The following ALG8 variants were observed in gnomAD, a reference collection of about 807,000 sequenced individuals.
ALG8 encodes the protein ALG8 alpha-1,3-glucosyltransferase.
A neutral mutation model predicts 70.2 loss-of-function variants in ALG8; 48 were observed. That is an observed-to-expected ratio of 0.68 (90% CI 0.54 to 0.87). ALG8 has a LOEUF of 0.87. Ranked by LOEUF, ALG8 falls within the 40% of genes least tolerant of loss-of-function variation. The pLI is 0.00. For missense variants in ALG8, 572 were observed against 608.7 expected, an observed-to-expected ratio of 0.94 and a Z score of 0.64; for synonymous variants, 234 against 229.0, an observed-to-expected ratio of 1.02 and a Z score of -0.20.
intron 9 of ALG8, among the ~76,000 whole-genome samples, chr11:78,108,004 G>A (rs1223366731): frequency 6.6e-6 from 1 of 151,992 alleles, no homozygotes; most frequent in African/African-American, 2.4e-5. Context: ...AAAAGGCCGG[G>A]TGTGGTGGCT....
intron 8 of ALG8, 35 bp downstream of exon 8, chr11:78,112,615 T>C (rs1330323257): frequency 6.2e-7 from 1 of 1,611,392 alleles, no homozygotes; most frequent in East Asian, 2.2e-5. Flanking sequence ...CCTTTCAATA[T>C]TCAGAGTCTG....
Position 78,114,278 on chromosome 11 carries a change from C to T in ALG8, c.661G>A (p.Ala221Thr). ...VYLLRSYCFT[A>T]NKPDGSIRWK... Reference sequence around the variant, plus strand: ...TACCAAAACTTGCCTGGTTTATTTGCAGTGAAACAGTAGGATCGCAGCAGA... The same window carrying T: ...TACCAAAACTTGCCTGGTTTATTTGTAGTGAAACAGTAGGATCGCAGCAGA... The change falls in exon 6 of 13, where the codon GCA becomes ACA. Residue 221 changes from alanine to threonine, a missense_variant. By Grantham distance (58) the Ala-to-Thr change is moderately conservative. Coordinates refer to ENST00000299626, the MANE Select transcript of ALG8 (RefSeq NM_024079.5). 1 of 1,614,046 alleles carries T rather than the reference C, an allele frequency of 6.2e-7. No individual in the cohort carries two copies. The highest frequency in any genetic ancestry group is 1.1e-5 in the South Asian group (1 of 91,078).
intron 8 of ALG8, among the ~76,000 whole-genome samples, chr11:78,109,817 G>C (rs925091495): frequency 6.6e-6 from 1 of 152,170 alleles, no homozygotes; most frequent in African/African-American, 2.4e-5. Flanking sequence ...CAGCTTATAG[G>C]AAACTTGCTG....
chr11:78,127,947 C>A (rs2136934328), intron 1 of ALG8, among the ~76,000 whole-genome samples: 1 of 152,284 alleles, frequency 6.6e-6, no homozygotes, highest in South Asian at 2.1e-4. Context: ...GGTGATCCAC[C>A]TGCCTCAGTC....
rs1861711805 is a variant in ALG8, at chr11:78,139,608, T to C, written c.-20A>G. 3 of 1,551,106 alleles carry C rather than the reference T, an allele frequency of 1.9e-6. No individual in the cohort carries two copies. The highest frequency in any genetic ancestry group is 2.7e-5 in the African/African-American group (2 of 73,216). On this transcript the variant is annotated 5_prime_UTR_variant, in exon 1 of 13. Coordinates refer to ENST00000299626, the MANE Select transcript of ALG8 (RefSeq NM_024079.5). ...CGCCATTGCTGCGGCACCGCACGCT[T>C]CCCACCAACTTGATCCACATCCGGG... is the stretch of plus-strand genomic sequence containing the variant.
At chr11:78,137,040 C>T (rs663322) in intron 1 of ALG8, among the ~76,000 whole-genome samples, 32,875 of 151,956 alleles carry the variant, frequency 0.22, 4,390 homozygotes, top group African/African-American at 0.37. Context: ...TACCTGGGAT[C>T]ACAGGCATGC....
chr11:78,129,721 C>T (rs1861225336), intron 1 of ALG8, among the ~76,000 whole-genome samples: 1 of 152,144 alleles, frequency 6.6e-6, no homozygotes, highest in South Asian at 2.1e-4. Flanking sequence ...ACTCTGAAGG[C>T]CAGTGAAATT....
At chr11:78,131,655 G>A (rs988409220) in intron 1 of ALG8, among the ~76,000 whole-genome samples, 2 of 151,988 alleles carry the variant, frequency 1.3e-5, no homozygotes, top group African/African-American at 2.4e-5. Flanking sequence ...TTGTAGAGAC[G>A]GGGTTTCATT....
In ALG8 at chr11:78,104,425, C is replaced by T. The variant is rs750630044; in HGVS notation, c.1207G>A (p.Ala403Thr). The T allele has an allele frequency of 3.8e-6, 6 of 1,594,812 alleles. No individual in the cohort carries two copies. The highest frequency in any genetic ancestry group is 2.7e-5 in the African/African-American group (2 of 74,768). ...GTGGTCAGAATCAGAAAAATCGAAG[C>T]GTCTCCTGCTTTTCCCACAGACAAA... ...SLLSVGKAGDASIFLILTTTG... is the reference protein window; with the variant it reads ...SLLSVGKAGDTSIFLILTTTG... Residue 403 changes from alanine to threonine, a missense_variant, in exon 11 of 13, where the codon GCT becomes ACT. By Grantham distance (58) the Ala-to-Thr change is moderately conservative. Transcript: ENST00000299626.
chr11:78,110,733 G>C (rs569971674), intron 8 of ALG8, among the ~76,000 whole-genome samples: 12 of 152,304 alleles, frequency 7.9e-5, no homozygotes, highest in African/African-American at 2.9e-4. Flanking sequence ...TATAGGGCCT[G>C]TCAAATGCCA....
rs377707742 is a variant in ALG8 at position 78,121,093 on chromosome 11, C to T, written c.450G>A (p.Leu150=). The change falls in exon 4 of 13, where the codon CTG becomes CTA. Residue 150 remains leucine (L), a synonymous_variant. Transcript: ENST00000299626. Reference sequence around the variant, plus strand: ...CCACAATTAATAACCCGAAGTTCCACAGAAGTAATACCGACAGAATAAATT... The same window carrying T: ...CCACAATTAATAACCCGAAGTTCCATAGAAGTAATACCGACAGAATAAATT... The part of the protein sequence containing the change: ...KPKFILSVLL[L]WNFGLLIVDH... 1.9e-6 allele frequency: 3 copies of T among 1,613,786 alleles called. No homozygotes were observed. The African/African-American group carries it at 4.0e-5, about 22-fold the overall frequency.
At chr11:78,130,950 G>C (rs1418625884) in intron 1 of ALG8, among the ~76,000 whole-genome samples, 1 of 151,964 alleles carries the variant, frequency 6.6e-6, no homozygotes, top group Non-Finnish European at 1.5e-5. Flanking sequence ...ATTAACCACT[G>C]TTTCTCTGAT....
intron 2 of ALG8, among the ~76,000 whole-genome samples, chr11:78,126,586 T>C (rs899857859): frequency 2.0e-5 from 3 of 151,904 alleles, no homozygotes; most frequent in Non-Finnish European, 2.9e-5. Context: ...ATAGTTTTTA[T>C]AAACAATATG....
At chr11:78,116,300 G>A (rs1242845862) in intron 5 of ALG8, among the ~76,000 whole-genome samples, 1 of 152,144 alleles carries the variant, frequency 6.6e-6, no homozygotes, top group African/African-American at 2.4e-5. Context: ...TTGCAGTGAG[G>A]TGGAGGTTGC....
chr11:78,112,508 C>A (rs1860335073), intron 8 of ALG8, 142 bp downstream of exon 8: 2 of 1,260,360 alleles, frequency 1.6e-6, no homozygotes, highest in Non-Finnish European at 2.3e-6. Context: ...AACTGCTCCC[C>A]CTGTTCATCC....
At chr11:78,103,892 TAAAAA>T in intron 12 of ALG8, 83 bp downstream of exon 12, 2 of 743,138 alleles carry the variant, frequency 2.7e-6, no homozygotes, top group Non-Finnish European at 4.4e-6. Context: ...TGTTATAACT[TAAAAA>T]TAAAATTTAA....
intron 4 of ALG8, among the ~76,000 whole-genome samples, chr11:78,119,450 A>G (rs1277240455): frequency 2.2e-5 from 3 of 135,128 alleles, no homozygotes; most frequent in Non-Finnish European, 3.1e-5. Flanking sequence ...TTTTTTTGAG[A>G]TGGAGTCTCA....
chr11:78,107,042 GAC>G, intron 9 of ALG8, 96 bp from the exon 10 acceptor site: 1 of 1,422,026 alleles, frequency 7.0e-7, no homozygotes, highest in Non-Finnish European at 9.7e-7. Context: ...ATCTCTGAAA[GAC>G]AGCCAATCTT....
chr11:78,108,560 C>G, intron 9 of ALG8, among the ~76,000 whole-genome samples: 1 of 152,164 alleles, frequency 6.6e-6, no homozygotes, highest in East Asian at 1.9e-4. Context: ...ATAGGTCAAA[C>G]TACAGAAGTC....
Sources: gnomAD v4.1 joint callset for allele counts (sites outside exome capture counted in the v4.1 genomes callset) on GRCh38, gnomAD v4.1.1 for gene constraint, MANE v1.5 for transcripts, NCBI Gene and HGNC (gene_info 2026-07-23, HGNC 2026-07-21) for gene names.